The following FZR1 variants were observed in gnomAD, a reference collection of about 807,000 sequenced individuals.
FZR1 encodes the protein fizzy and cell division cycle 20 related 1.
Under a neutral mutation model 63.6 loss-of-function variants are expected in FZR1, and 11 were observed. That is an observed-to-expected ratio of 0.17 (90% CI 0.11 to 0.29). The LOEUF is 0.29. FZR1 is among the 10% of genes least tolerant of loss of function. The probability of loss-of-function intolerance (pLI) is 1.00; values close to 1 mark genes in which losing one functional copy is unlikely to be tolerated. For synonymous variants in FZR1, 328 were observed against 297.9 expected, an observed-to-expected ratio of 1.10 and a Z score of -1.04; for missense variants, 440 against 687.5, an observed-to-expected ratio of 0.64 and a Z score of 4.03.
rs1300666415 is a variant in FZR1 at position 3,535,482 on chromosome 19, CTG to C, written c.*650_*651del. ...GAAGCAGCAGTCTCTCTGGAAGCAT[CTG>C]TGTCATGGCCATCGCCCGGCGGTCA... On this transcript the variant is annotated 3_prime_UTR_variant, in exon 14 of 14. Coordinates refer to ENST00000441788, the MANE Select transcript of FZR1 (RefSeq NM_016263.4). The C allele has an allele frequency of 5.9e-5, 9 of 153,314 alleles. No homozygotes were observed. Among genetic ancestry groups the C allele is most frequent in the African/African-American group, 2.2e-4 (9 of 41,488 alleles). 9.5% of individuals were successfully genotyped at this position (153,314 alleles called of 1,614,324 possible). A position where few individuals can be genotyped will look rare whatever the true frequency, so the allele number is the denominator to read the frequency against.
Position 3,533,505 on chromosome 19 carries a change from C to G in FZR1, c.1347+107C>G. On this transcript the variant is annotated intron_variant, in intron 12 of 13. Coordinates refer to ENST00000441788, the MANE Select transcript of FZR1 (RefSeq NM_016263.4). This position sits in a 1 kb window ranked among gnomAD's most constrained non-coding sequence, Gnocchi z 4.9. ...TTCTTAGGGAGGATGGTGTGCAGAT[C>G]TAAAACCCCGTGGGACCCAGCAGCA... 2.8e-6 allele frequency: 2 copies of G among 707,412 alleles called. No homozygotes were observed. Among genetic ancestry groups the G allele is most frequent in the Admixed American group, 2.1e-5 (1 of 46,552 alleles). The allele number at this position is 707,412 out of a possible 1,614,324, so 43.8% of individuals were successfully genotyped here.
rs1304307128 is a variant in FZR1 at position 3,527,615 on chromosome 19, G to A, written c.471-16G>A. ...AAGTGCCGTGGCTCACGGATGCCACGTGGCCGCCTCTGCAGCCAGAAGCTG... is the reference window on the plus strand; with the variant it reads ...AAGTGCCGTGGCTCACGGATGCCACATGGCCGCCTCTGCAGCCAGAAGCTG... On this transcript the variant is annotated splice_polypyrimidine_tract_variant and intron_variant, in intron 6 of 13. Coordinates refer to ENST00000441788, the MANE Select transcript of FZR1 (RefSeq NM_016263.4). 1.3e-5 allele frequency: 21 copies of A among 1,594,198 alleles called. No individual in the cohort carries two copies. Among genetic ancestry groups the A allele is most frequent in the Middle Eastern group, 1.7e-4 (1 of 5,992 alleles).
Position 3,530,829 on chromosome 19 carries a change from C to T in FZR1, c.692C>T (p.Ser231Leu), listed in dbSNP as rs1329345455. 2 of 1,613,040 alleles carry T rather than the reference C, an allele frequency of 1.2e-6. No individual in the cohort carries two copies. The highest frequency in any genetic ancestry group is 1.7e-6 in the Non-Finnish European group (2 of 1,179,658). ...TGTGACCTCTCAGTGGAAGGGGACT[C>T]AGTGACCTCCGTGGGCTGGTCTGAG... Reference protein sequence around the residue: ...RLCDLSVEGDSVTSVGWSERG... With the variant: ...RLCDLSVEGDLVTSVGWSERG... Residue 231 changes from serine (S) to leucine (L), a missense_variant, in exon 8 of 14, where the codon TCA becomes TTA. Physicochemically the swap from Ser to Leu is moderately radical, Grantham distance 145. Coordinates refer to ENST00000441788, the MANE Select transcript of FZR1 (RefSeq NM_016263.4).
chr19:3,506,586 G>A (rs1189503903), intron 1 of FZR1, 112 bp downstream of exon 1: 1 of 149,286 alleles, frequency 6.7e-6, no homozygotes, highest in Non-Finnish European at 1.5e-5. Flanking sequence ...CCCCAGCTCA[G>A]GCCCCTCCAG....
rs1050105948 is a variant in FZR1 at position 3,514,954 on chromosome 19, G to A, written c.-34-8002G>A. 2.6e-5 allele frequency among the ~76,000 whole-genome samples: 4 copies of A among 152,130 alleles called. No homozygotes were observed. The highest frequency in any genetic ancestry group is 2.6e-4 in the Admixed American group (4 of 15,288). ...TTCTGGGGCCCAGGGGGTGAAAGGT[G>A]GACCTTCCCTATGAGCTGGCCCAGG... On this transcript the variant is annotated intron_variant, in intron 1 of 13. Transcript: ENST00000441788. This position sits in a 1 kb window ranked among gnomAD's most constrained non-coding sequence, Gnocchi z 4.2.
intron 1 of FZR1, among the ~76,000 whole-genome samples, chr19:3,511,164 T>C (rs560187419): frequency 6.6e-6 from 1 of 152,292 alleles, no homozygotes; most frequent in South Asian, 2.1e-4. Flanking sequence ...CAGACCCAGG[T>C]GTCTTTTAGG....
rs1201040500 is a variant in FZR1 at position 3,533,686 on chromosome 19, C to T, written c.1347+288C>T. ...CATAAAGAGGGGTGAAGAGGAAAGC[C>T]AAAACCAACTCACAGCTGACCACTC... On this transcript the variant is annotated intron_variant, in intron 12 of 13. Coordinates refer to ENST00000441788, the MANE Select transcript of FZR1 (RefSeq NM_016263.4). This position sits in a 1 kb window ranked among gnomAD's most constrained non-coding sequence, Gnocchi z 4.9. 1 of 402,072 alleles carries T rather than the reference C, an allele frequency of 2.5e-6. No individual in the cohort carries two copies. Among genetic ancestry groups the T allele is most frequent in the Admixed American group, 4.1e-5 (1 of 24,270 alleles). 24.9% of individuals were successfully genotyped at this position (402,072 alleles called of 1,614,324 possible). A position where few individuals can be genotyped will look rare whatever the true frequency, so the allele number is the denominator to read the frequency against.
At position 3,537,747 on chromosome 19, in the gene FZR1, T is replaced by A. The variant is rs1183213489; in HGVS notation, c.*2911T>A. 1 of 152,474 alleles carries A rather than the reference T, an allele frequency of 6.6e-6. No individual in the cohort carries two copies. Among genetic ancestry groups the A allele is most frequent in the African/African-American group, 2.4e-5 (1 of 41,376 alleles). The allele number at this position is 152,474 out of a possible 1,614,324, so 9.4% of individuals were successfully genotyped here. On this transcript the variant is annotated 3_prime_UTR_variant, in exon 14 of 14. Coordinates refer to ENST00000441788, the MANE Select transcript of FZR1 (RefSeq NM_016263.4). The stretch of plus-strand genomic sequence containing the variant: ...GGTGAAGGAGCTGGGGCAGGCCCCA[T>A]CCTGGGCATTGGAGATGATGAAACC...
At chr19:3,512,361 C>A (rs910125934) in intron 1 of FZR1, among the ~76,000 whole-genome samples, 2 of 152,180 alleles carry the variant, frequency 1.3e-5, no homozygotes, top group South Asian at 2.1e-4. Context: ...AGACCTCATG[C>A]CTGATTTCAC....
rs1037630575 is a variant in FZR1 at position 3,535,035 on chromosome 19, C to T, written c.*199C>T. On this transcript the variant is annotated 3_prime_UTR_variant, in exon 14 of 14. Transcript: ENST00000441788. ...TGTCCACCAGTATCTGGGGTGGGCA[C>T]GTGGTCGGGGACCCTCAGCAGCAGG... The T allele has an allele frequency of 8.3e-6, 5 of 600,380 alleles. No homozygotes were observed. Among genetic ancestry groups the T allele is most frequent in the Admixed American group, 2.8e-5 (1 of 35,882 alleles). 37.2% of individuals were successfully genotyped at this position (600,380 alleles called of 1,614,324 possible). A position where few individuals can be genotyped will look rare whatever the true frequency, so the allele number is the denominator to read the frequency against.
chr19:3,517,435 C>A (rs1359085052), intron 1 of FZR1, among the ~76,000 whole-genome samples: 1 of 152,002 alleles, frequency 6.6e-6, no homozygotes, highest in African/African-American at 2.4e-5. Context: ...ACCTGTAATC[C>A]CAGCACTTTG....
In FZR1 at chr19:3,526,515, C is replaced by T. The variant is rs188982032; in HGVS notation, c.387+129C>T. ...GCCCAGCCACGGCTCAGCACCCCCG[C>T]CCTGACCCTGTTCCTTAGCCAGGTC... On this transcript the variant is annotated intron_variant, in intron 5 of 13. Coordinates refer to ENST00000441788, the MANE Select transcript of FZR1 (RefSeq NM_016263.4). This position sits in a 1 kb window ranked among gnomAD's most constrained non-coding sequence, Gnocchi z 5.4. 3,576 of 686,840 alleles carry T rather than the reference C, an allele frequency of 5.2e-3. 93 individuals carry two copies. The African/African-American group carries it at 0.058, about 11-fold the overall frequency. 42.5% of individuals were successfully genotyped at this position (686,840 alleles called of 1,614,324 possible).
chr19:3,528,510 CTCTCCCCTGTGTGTGTGTG>C (rs1259957389), intron 7 of FZR1, among the ~76,000 whole-genome samples: 2 of 148,060 alleles, frequency 1.4e-5, no homozygotes, highest in African/African-American at 5.0e-5. Flanking sequence ...CCCATGCAGG[CTCTCCCCTGTGTGTGTGTG>C]TCTCCCCTGT....
At position 3,527,699 on chromosome 19, in the gene FZR1, A is replaced by G; in HGVS notation, c.539A>G (p.Asp180Gly). Residue 180 changes from aspartate (D) to glycine (G), a missense_variant, in exon 7 of 14, where the codon GAC (aspartate) becomes GGC (glycine). By Grantham distance (94) the Asp-to-Gly change is moderately conservative. Coordinates refer to ENST00000441788, the MANE Select transcript of FZR1 (RefSeq NM_016263.4). ...TCCAAGATCCCCTTCAAGGTGCTGGACGCGCCCGAGCTGCAGGACGACTTC... is the reference window on the plus strand; with the variant it reads ...TCCAAGATCCCCTTCAAGGTGCTGGGCGCGCCCGAGCTGCAGGACGACTTC... ...KISKIPFKVLDAPELQDDFYL... is the reference protein window; with the variant it reads ...KISKIPFKVLGAPELQDDFYL... The G allele has an allele frequency of 6.2e-7, 1 of 1,612,472 alleles. No homozygotes were observed. The highest frequency in any genetic ancestry group is 8.5e-7 in the Non-Finnish European group (1 of 1,179,892).
Position 3,533,426 on chromosome 19 carries a change from G to T in FZR1, c.1347+28G>T, listed in dbSNP as rs558209315. 1 of 1,427,442 alleles carries T rather than the reference G, an allele frequency of 7.0e-7. No homozygotes were observed. Among genetic ancestry groups the T allele is most frequent in the South Asian group, 1.1e-5 (1 of 87,360 alleles). The allele number at this position is 1,427,442 out of a possible 1,614,324, so 88.4% of individuals were successfully genotyped here. A position where few individuals can be genotyped will look rare whatever the true frequency, so the allele number is the denominator to read the frequency against. On this transcript the variant is annotated intron_variant, in intron 12 of 13. Transcript: ENST00000441788. The surrounding 1 kb of genome is among the most constrained non-coding windows in gnomAD (Gnocchi z 4.9). ...GAGTTCACGCCAGGCACTTCAAGGT[G>T]CCCCGGGATTCTGGACAAACTGCCA... is the stretch of plus-strand genomic sequence containing the variant.
At chr19:3,528,344 G>A (rs893183408) in intron 7 of FZR1, among the ~76,000 whole-genome samples, 11 of 152,320 alleles carry the variant, frequency 7.2e-5, no homozygotes, top group Non-Finnish European at 1.2e-4. Flanking sequence ...GAGTAGTTTC[G>A]GGAGAGCGAG....
chr19:3,507,090 C>T (rs1395204435), intron 1 of FZR1, among the ~76,000 whole-genome samples: 1 of 152,166 alleles, frequency 6.6e-6, no homozygotes, highest in Non-Finnish European at 1.5e-5. Context: ...CCCGCAGGCA[C>T]GGGTTGAGTG....
At chr19:3,511,188 T>C (rs2083022164) in intron 1 of FZR1, among the ~76,000 whole-genome samples, 1 of 152,182 alleles carries the variant, frequency 6.6e-6, no homozygotes, top group South Asian at 2.1e-4. Flanking sequence ...GAAGGTGTCA[T>C]CAAGTCAGAC....
At chr19:3,508,045 CTG>C (rs1190897780) in intron 1 of FZR1, among the ~76,000 whole-genome samples, 1 of 143,634 alleles carries the variant, frequency 7.0e-6, no homozygotes, top group Non-Finnish European at 1.5e-5. Flanking sequence ...CAGTTTGCCC[CTG>C]TGACTTGCTT....
Sources: gnomAD v4.1 joint callset for allele counts (sites outside exome capture counted in the v4.1 genomes callset) on GRCh38, gnomAD v4.1.1 for gene constraint, Gnocchi (gnomAD v3.1) non-coding constraint, MANE v1.5 for transcripts, NCBI Gene and HGNC (gene_info 2026-07-23, HGNC 2026-07-21) for gene names.